Variants in USP53 observed in about 807,000 individuals in gnomAD.
The protein encoded by USP53 is ubiquitin carboxyl-terminal hydrolase 53.
USP53 carries 71 observed loss-of-function variants against 94.9 expected under a neutral mutation model. The ratio of observed to expected loss-of-function variants is 0.75; its 90% confidence interval spans 0.62 to 0.91. The LOEUF (loss-of-function observed/expected upper bound fraction) is 0.91. USP53 is among the 40% of genes least tolerant of loss of function. The pLI is 0.00. For missense variants in USP53, 1,173 were observed against 1,281.0 expected (o/e 0.92, Z 1.29); for synonymous variants, 375 against 422.7 (o/e 0.89, Z 1.39).
chr4:119,279,342 C>G (rs958942983), intron 17 of USP53, among the ~76,000 whole-genome samples: 2 of 148,930 alleles, frequency 1.3e-5, no homozygotes, highest in Non-Finnish European at 3.0e-5. Context: ...AGCTGCATGT[C>G]TGTTGGAGTA....
At chr4:119,260,166 G>T (rs1750311804) in intron 10 of USP53, among the ~76,000 whole-genome samples, 1 of 152,060 alleles carries the variant, frequency 6.6e-6, no homozygotes. Context: ...TTTATCATTT[G>T]ATTACAGAGA....
intron 6 of USP53, among the ~76,000 whole-genome samples, chr4:119,248,024 T>C (rs892823886): frequency 2.6e-5 from 4 of 152,222 alleles, no homozygotes; most frequent in African/African-American, 9.6e-5. Flanking sequence ...AACATGGGAC[T>C]GAATGTGACC....
rs551385454 is a variant in USP53, at chr4:119,248,431, C to A, written c.238-317C>A. 1.7e-4 allele frequency among the ~76,000 whole-genome samples: 24 copies of A among 137,252 alleles called. 1 individual carries two copies. Among genetic ancestry groups the A allele is most frequent in the African/African-American group, 6.4e-4 (23 of 35,786 alleles). The allele number at this position is 137,252 out of a possible 152,430, so 90.0% of individuals were successfully genotyped here. A position where few individuals can be genotyped will look rare whatever the true frequency, so the allele number is the denominator to read the frequency against. Reference sequence around the variant, plus strand: ...TTGTATGAAATTTTAGAGCAAAAGACTTCTGTATTATTTTCCGAAATACAG... The same window carrying A: ...TTGTATGAAATTTTAGAGCAAAAGAATTCTGTATTATTTTCCGAAATACAG... On this transcript the variant is annotated intron_variant, in intron 6 of 18. Coordinates refer to ENST00000692078, the MANE Select transcript of USP53 (RefSeq NM_001371395.1).
intron 7 of USP53, among the ~76,000 whole-genome samples, chr4:119,250,720 C>T (rs1748861643): frequency 6.6e-6 from 1 of 152,024 alleles, no homozygotes; most frequent in Non-Finnish European, 1.5e-5. Context: ...GAATAGAATC[C>T]ATTGGTTAAG....
At position 119,273,628 on chromosome 4, in the gene USP53, C is replaced by T. The variant is rs201188617; in HGVS notation, c.2175-4C>T. The T allele has an allele frequency of 1.2e-6, 2 of 1,610,408 alleles. No individual in the cohort carries two copies. The highest frequency in any genetic ancestry group is 1.7e-6 in the Non-Finnish European group (2 of 1,177,820). On this transcript the variant is annotated splice_region_variant and splice_polypyrimidine_tract_variant and intron_variant, in intron 16 of 18. Transcript: ENST00000692078. The stretch of plus-strand genomic sequence containing the variant: ...ATGTGTTTAGTGTGTATTTTATTTT[C>T]TAGTGACCAGATTACGACAAGCAAC...
intron 3 of USP53, among the ~76,000 whole-genome samples, chr4:119,232,267 T>G (rs1561208970): frequency 6.6e-6 from 1 of 152,176 alleles, no homozygotes; most frequent in African/African-American, 2.4e-5. Flanking sequence ...AACTCTATCT[T>G]TAACGATCAC....
chr4:119,212,774 A>G lies in USP53; in HGVS notation c.-1041A>G. ...GTGTGTCTGGCGGGTGTCGGCGTGA[A>G]GCGGGGCTGGGCCAGCGGGAGGTAG... On this transcript the variant is annotated 5_prime_UTR_variant, in exon 1 of 19. Transcript: ENST00000692078. 3.2e-6 allele frequency: 1 copy of G among 310,030 alleles called. No individual in the cohort carries two copies. The highest frequency in any genetic ancestry group is 6.5e-6 in the Non-Finnish European group (1 of 153,244). The allele number at this position is 310,030 out of a possible 1,614,324, so 19.2% of individuals were successfully genotyped here.
At chr4:119,289,354 A>G (rs1200806613) in intron 17 of USP53, among the ~76,000 whole-genome samples, 9 of 152,216 alleles carry the variant, frequency 5.9e-5, no homozygotes, top group Non-Finnish European at 1.3e-4. Context: ...ATTTTTACCC[A>G]TTATTGTTTT....
Position 119,248,738 on chromosome 4 carries a change from C to T in USP53, c.238-10C>T, listed in dbSNP as rs373631471. The T allele has an allele frequency of 1.0e-5, 16 of 1,605,820 alleles. No homozygotes were observed. Among genetic ancestry groups the T allele is most frequent in the African/African-American group, 8.0e-5 (6 of 74,640 alleles). ...GCATTAAACTTACTGATTTTCTTGT[C>T]GATTCCCAGACGATATTTGCACAGT... On this transcript the variant is annotated splice_polypyrimidine_tract_variant and intron_variant, in intron 6 of 18. Coordinates refer to ENST00000692078, the MANE Select transcript of USP53 (RefSeq NM_001371395.1).
chr4:119,270,230 G>A (rs1471144796), intron 15 of USP53, among the ~76,000 whole-genome samples: 2 of 151,598 alleles, frequency 1.3e-5, no homozygotes, highest in African/African-American at 4.8e-5. Flanking sequence ...GAGTAGCTAG[G>A]ACTACAGGCA....
chr4:119,245,926 AAAGCCTCACTG>A (rs1748170857), intron 6 of USP53, among the ~76,000 whole-genome samples: 1 of 152,232 alleles, frequency 6.6e-6, no homozygotes, highest in African/African-American at 2.4e-5. Context: ...TATAGGCAGG[AAAGCCTCACTG>A]AGAAACTGAT....
intron 5 of USP53, among the ~76,000 whole-genome samples, chr4:119,241,540 G>C (rs1453014930): frequency 2.3e-3 from 1 of 440 alleles, no homozygotes; most frequent in Non-Finnish European, 5.6e-3. Context: ...TAAAGATTTT[G>C]CTTCTCTGTT....
chr4:119,269,576 A>T, intron 14 of USP53, 115 bp from the exon 15 acceptor site: 1 of 655,640 alleles, frequency 1.5e-6, no homozygotes, highest in Non-Finnish European at 2.2e-6. Flanking sequence ...CTATATATCT[A>T]CATATCTATG....
Position 119,291,634 on chromosome 4 carries a change from A to G in USP53, c.2348+373A>G, listed in dbSNP as rs1387443712. 2.6e-5 allele frequency among the ~76,000 whole-genome samples: 4 copies of G among 152,316 alleles called. No individual in the cohort carries two copies. The East Asian group carries it at 7.7e-4, about 29-fold the overall frequency. Reference sequence around the variant, plus strand: ...TCTAATTCAATTCCACATAATTCATATAAGAAAAATAATTTGCAATATGGC... The same window carrying G: ...TCTAATTCAATTCCACATAATTCATGTAAGAAAAATAATTTGCAATATGGC... On this transcript the variant is annotated intron_variant, in intron 18 of 18. Coordinates refer to ENST00000692078, the MANE Select transcript of USP53 (RefSeq NM_001371395.1).
intron 12 of USP53, 140 bp downstream of exon 12, chr4:119,262,004 G>A (rs1045541415): frequency 4.9e-6 from 4 of 822,320 alleles, no homozygotes; most frequent in African/African-American, 1.8e-5. Context: ...GATAGCATCA[G>A]TAAGTTCAAA....
At chr4:119,276,009 G>A (rs1181026373) in intron 17 of USP53, among the ~76,000 whole-genome samples, 2 of 143,556 alleles carry the variant, frequency 1.4e-5, no homozygotes, top group Non-Finnish European at 1.5e-5. Context: ...CTGAGACAAT[G>A]GGGTTTTCTA....
intron 15 of USP53, 24 bp from the exon 16 acceptor site, chr4:119,271,272 G>A (rs976287685): frequency 6.6e-7 from 1 of 1,526,494 alleles, no homozygotes. Context: ...TAATTCATGT[G>A]TATCTTTAAT....
At chr4:119,229,099 C>T (rs1057383072) in intron 3 of USP53, among the ~76,000 whole-genome samples, 9 of 152,186 alleles carry the variant, frequency 5.9e-5, no homozygotes, top group Non-Finnish European at 1.3e-4. Flanking sequence ...GTCTTAGCAA[C>T]ATCAGCTCTA....
At chr4:119,289,955 A>G (rs561992793) in intron 17 of USP53, among the ~76,000 whole-genome samples, 9 of 152,336 alleles carry the variant, frequency 5.9e-5, no homozygotes, top group African/African-American at 2.2e-4. Flanking sequence ...TAGTCTGGAC[A>G]TTAATTTAAT....
Sources: allele counts gnomAD v4.1 joint callset (sites outside exome capture counted in the v4.1 genomes callset), GRCh38; gene constraint gnomAD v4.1.1; transcripts MANE v1.5; gene names NCBI Gene and HGNC (gene_info 2026-07-23, HGNC 2026-07-21).